DENND1A: variants seen among roughly 807,000 people sequenced by gnomAD.
DENND1A encodes the protein DENN domain-containing protein 1A.
Under a neutral mutation model 113.7 loss-of-function variants are expected in DENND1A, and 51 were observed. The observed-to-expected ratio is 0.45, with a 90% CI of 0.36 to 0.57. The LOEUF (loss-of-function observed/expected upper bound fraction) is 0.57. Among genes scored for constraint, DENND1A ranks in the 20% least tolerant of loss-of-function variants. The pLI is 0.00. For synonymous variants in DENND1A, 565 were observed against 570.8 expected, an observed-to-expected ratio of 0.99 and a Z score of 0.14; for missense variants, 1,258 against 1,395.9, an observed-to-expected ratio of 0.90 and a Z score of 1.57.
chr9:123,644,329 A>G (rs1353400945), intron 9 of DENND1A, among the ~76,000 whole-genome samples: 1 of 147,024 alleles, frequency 6.8e-6, no homozygotes, highest in African/African-American at 2.5e-5. Flanking sequence ...ATATTCTTAC[A>G]CATTTATTCT....
At chr9:123,607,032 T>G (rs188436701) in intron 11 of DENND1A, among the ~76,000 whole-genome samples, 5 of 152,188 alleles carry the variant, frequency 3.3e-5, no homozygotes, top group Admixed American at 1.3e-4. Context: ...GGCTTGACAG[T>G]AGTGGAGAGA....
intron 2 of DENND1A, among the ~76,000 whole-genome samples, chr9:123,848,222 C>A (rs1328375086): frequency 2.4e-5 from 2 of 81,770 alleles, no homozygotes; most frequent in Non-Finnish European, 2.2e-5. Context: ...TTCAAAGATA[C>A]TGCTTTAAAA....
At chr9:123,915,154 A>G (rs567751650) in intron 1 of DENND1A, among the ~76,000 whole-genome samples, 4 of 152,222 alleles carry the variant, frequency 2.6e-5, no homozygotes, top group South Asian at 2.1e-4. Context: ...GTACAAATAT[A>G]TGCAAACTTA....
chr9:123,833,801 C>A (rs924116343), intron 2 of DENND1A, among the ~76,000 whole-genome samples: 10 of 152,190 alleles, frequency 6.6e-5, no homozygotes, highest in Admixed American at 3.9e-4. Context: ...AGGCTCATGA[C>A]TGTAATCCCA....
intron 11 of DENND1A, among the ~76,000 whole-genome samples, chr9:123,594,345 T>G (rs1275911376): frequency 2.6e-5 from 4 of 152,178 alleles, no homozygotes; most frequent in African/African-American, 9.7e-5. Flanking sequence ...TATCATTTAA[T>G]GTAATTCCCA....
chr9:123,470,935 T>C (rs1204502481), intron 13 of DENND1A, among the ~76,000 whole-genome samples: 1 of 152,076 alleles, frequency 6.6e-6, no homozygotes, highest in Non-Finnish European at 1.5e-5. Flanking sequence ...CGGTAGGAAG[T>C]TTCTAGTCGT....
chr9:123,514,371 G>A (rs2053721602), intron 13 of DENND1A, among the ~76,000 whole-genome samples: 1 of 152,056 alleles, frequency 6.6e-6, no homozygotes, highest in Non-Finnish European at 1.5e-5. Context: ...GGGTTGGCAT[G>A]GGATGTTGGA....
intron 19 of DENND1A, among the ~76,000 whole-genome samples, chr9:123,425,424 C>T (rs1160253519): frequency 2.0e-5 from 3 of 152,282 alleles, no homozygotes; most frequent in African/African-American, 7.2e-5. Context: ...CTGTCTCTCA[C>T]AACCTGGCGC....
rs546001517 is a variant in DENND1A at position 123,516,884 on chromosome 9, CAAAAAAAAAAAAAAAAAA to C, written c.993+40668_993+40685del. 3.9e-3 allele frequency among the ~76,000 whole-genome samples: 367 copies of C among 93,394 alleles called. 8 individuals are homozygous for C. The highest frequency in any genetic ancestry group is 0.021 in the African/African-American group (346 of 16,200). 61.3% of individuals were successfully genotyped at this position (93,394 alleles called of 152,430 possible). A position where few individuals can be genotyped will look rare whatever the true frequency, so the allele number is the denominator to read the frequency against. On this transcript the variant is annotated intron_variant, in intron 13 of 23. Transcript: ENST00000394215. ...CTGGTGACAGAGTGAGACTCTGTCT[CAAAAAAAAAAAAAAAAAA>C]AAAAAAAAAAAAAAAAAGAACGGAC...
chr9:123,887,388 G>A (rs1849248767), intron 1 of DENND1A, among the ~76,000 whole-genome samples: 1 of 152,108 alleles, frequency 6.6e-6, no homozygotes, highest in Non-Finnish European at 1.5e-5. Flanking sequence ...TCCAACTGAT[G>A]AGGAAGACAT....
intron 11 of DENND1A, among the ~76,000 whole-genome samples, chr9:123,583,582 A>G (rs1564763731): frequency 6.6e-6 from 1 of 152,156 alleles, no homozygotes; most frequent in Non-Finnish European, 1.5e-5. Flanking sequence ...TTTCCCCTAT[A>G]TATTTAACAG....
At chr9:123,428,101 C>T (rs1026972442) in intron 19 of DENND1A, among the ~76,000 whole-genome samples, 4 of 152,080 alleles carry the variant, frequency 2.6e-5, no homozygotes, top group East Asian at 1.9e-4. Flanking sequence ...CTCAGGAGTT[C>T]GAGACCAGCC....
chr9:123,791,745 T>G (rs1242771254), intron 3 of DENND1A, among the ~76,000 whole-genome samples: 1 of 152,196 alleles, frequency 6.6e-6, no homozygotes, highest in Non-Finnish European at 1.5e-5. Context: ...AGGAAGATGC[T>G]TTTACTGTAT....
At chr9:123,528,450 T>C (rs1374796755) in intron 13 of DENND1A, among the ~76,000 whole-genome samples, 1 of 152,202 alleles carries the variant, frequency 6.6e-6, no homozygotes, top group Non-Finnish European at 1.5e-5. Flanking sequence ...GAAAAAAATC[T>C]CCACATGGAT....
At chr9:123,847,257 A>C (rs1015593225) in intron 2 of DENND1A, among the ~76,000 whole-genome samples, 5 of 151,976 alleles carry the variant, frequency 3.3e-5, no homozygotes, top group African/African-American at 7.2e-5. Context: ...GAAAACACAC[A>C]AAAAAAATGG....
chr9:123,885,301 T>C (rs1848904669), intron 1 of DENND1A, among the ~76,000 whole-genome samples: 1 of 152,238 alleles, frequency 6.6e-6, no homozygotes, highest in Non-Finnish European at 1.5e-5. Flanking sequence ...TGAGAACCAC[T>C]GGTGTGTCTC....
At chr9:123,548,663 A>G (rs2056858585) in intron 13 of DENND1A, among the ~76,000 whole-genome samples, 1 of 152,278 alleles carries the variant, frequency 6.6e-6, no homozygotes, top group Non-Finnish European at 1.5e-5. Context: ...GAAACAACCC[A>G]GGTGTCCATT....
At chr9:123,739,999 G>T (rs1206143491) in intron 5 of DENND1A, among the ~76,000 whole-genome samples, 1 of 151,716 alleles carries the variant, frequency 6.6e-6, no homozygotes, top group Non-Finnish European at 1.5e-5. Flanking sequence ...AATGTACACA[G>T]AGGTTATAAG....
At chr9:123,774,604 G>A (rs991361450) in intron 3 of DENND1A, among the ~76,000 whole-genome samples, 3 of 151,978 alleles carry the variant, frequency 2.0e-5, no homozygotes, top group Admixed American at 6.6e-5. Context: ...TTACAGAAAG[G>A]CCTTTCAACA....
Sources: allele counts gnomAD v4.1 joint callset (sites outside exome capture counted in the v4.1 genomes callset), GRCh38; gene constraint gnomAD v4.1.1; transcripts MANE v1.5; gene names NCBI Gene and HGNC (gene_info 2026-07-23, HGNC 2026-07-21).